Variants in RMDN2 observed in about 807,000 individuals in gnomAD.
The protein encoded by RMDN2 is regulator of microtubule dynamics protein 2.
RMDN2 carries 61 observed loss-of-function variants against 52.8 expected under a neutral mutation model. The observed-to-expected ratio is 1.16, with a 90% CI of 0.94 to 1.43. RMDN2 has a LOEUF of 1.43. Ranked by LOEUF, RMDN2 falls within the 40% of genes most tolerant of loss-of-function variation. RMDN2 has a pLI of 0.00. For synonymous variants in RMDN2, 180 were observed against 153.1 expected (o/e 1.18, Z -1.30); for missense variants, 592 against 475.3 (o/e 1.25, Z -2.28).
At chr2:37,969,916 C>CCTTTCCCTTTCCTGTTTT (rs1270696629) in intron 2 of RMDN2, among the ~76,000 whole-genome samples, 16 of 151,156 alleles carry the variant, frequency 1.1e-4, no homozygotes, top group African/African-American at 3.9e-4. Context: ...TTCTTTCCTT[C>CCTTTCCCTTTCCTGTTTT]CTTTCCCTTT....
chr2:38,004,897 G>A (rs1002080740), intron 10 of RMDN2, among the ~76,000 whole-genome samples: 8 of 150,616 alleles, frequency 5.3e-5, no homozygotes, highest in African/African-American at 9.8e-5. Context: ...CCGTTCCTGC[G>A]TCCATGTGTT....
chr2:37,929,730 G>A lies in RMDN2; in HGVS notation c.452+1G>A, dbSNP rs1160428742. 4.7e-6 allele frequency: 7 copies of A among 1,493,072 alleles called. No individual in the cohort carries two copies. Among genetic ancestry groups the A allele is most frequent in the Non-Finnish European group, 6.2e-6 (7 of 1,124,126 alleles). The allele number at this position is 1,493,072 out of a possible 1,614,324, so 92.5% of individuals were successfully genotyped here. ...CAGAGGAAGCAGAAAGTGAAGGAGG[G>A]TAAGTTTCTTTAAGATATTTCCTAT... On this transcript the variant is annotated splice_donor_variant, in intron 2 of 10. Coordinates refer to ENST00000354545, the MANE Select transcript of RMDN2 (RefSeq NM_001170791.3). LOFTEE classifies it high-confidence loss of function.
chr2:38,003,510 G>T (rs774868086), intron 8 of RMDN2, among the ~76,000 whole-genome samples: 2 of 151,622 alleles, frequency 1.3e-5, no homozygotes, highest in Non-Finnish European at 2.9e-5. Context: ...CTGAGATCGC[G>T]CCACTGCACT....
chr2:37,952,286 C>T (rs952426645), intron 2 of RMDN2: 2 of 1,250,928 alleles, frequency 1.6e-6, no homozygotes, highest in Admixed American at 2.0e-5. Flanking sequence ...GAATTCATTT[C>T]TCATAACTCC....
intron 5 of RMDN2, among the ~76,000 whole-genome samples, chr2:37,982,405 C>T (rs1196256304): frequency 6.6e-6 from 1 of 152,106 alleles, no homozygotes; most frequent in Non-Finnish European, 1.5e-5. Flanking sequence ...TTGATGCTGC[C>T]CTCACATAGC....
rs765650642 is a variant in RMDN2 at position 37,989,600 on chromosome 2, A to G, written c.851A>G (p.Tyr284Cys). 8 of 1,602,402 alleles carry G rather than the reference A, an allele frequency of 5.0e-6. No individual in the cohort carries two copies. The highest frequency in any genetic ancestry group is 2.2e-5 in the East Asian group (1 of 44,710). ...GAGGGTTTACAAAACAAAATCAACT[A>G]TGGGCACCTCTTCAAGGTATTTCTT... ...EFEGLQNKIN[Y>C]GHLFKEHLDI... is the part of the protein sequence containing the mutation. The change falls in exon 6 of 11, where the codon TAT becomes TGT. Residue 284 changes from tyrosine (Y) to cysteine (C), a missense_variant. Tyr to Cys is a radical substitution (Grantham distance 194, BLOSUM62 -2). Coordinates refer to ENST00000354545, the MANE Select transcript of RMDN2 (RefSeq NM_001170791.3).
At chr2:38,015,193 T>C (rs1307076111) in intron 10 of RMDN2, among the ~76,000 whole-genome samples, 1 of 152,192 alleles carries the variant, frequency 6.6e-6, no homozygotes, top group Non-Finnish European at 1.5e-5. Flanking sequence ...CCCTTCTGGC[T>C]TAGTGCTCAG....
At chr2:38,006,310 C>T (rs930747857) in intron 10 of RMDN2, among the ~76,000 whole-genome samples, 18 of 152,198 alleles carry the variant, frequency 1.2e-4, no homozygotes, top group Middle Eastern at 3.4e-3. Flanking sequence ...GCCATTTTCA[C>T]GATATTGATT....
intron 2 of RMDN2, among the ~76,000 whole-genome samples, chr2:37,954,959 A>T (rs1669268638): frequency 6.6e-6 from 1 of 152,170 alleles, no homozygotes; most frequent in African/African-American, 2.4e-5. Flanking sequence ...TGATGCAATT[A>T]TAAGTGAAAT....
chr2:37,931,287 TG>T (rs1666719986), intron 2 of RMDN2, among the ~76,000 whole-genome samples: 3 of 152,234 alleles, frequency 2.0e-5, no homozygotes, highest in Admixed American at 2.0e-4. Context: ...TTATTTATTA[TG>T]GATGTAGAAA....
At chr2:37,964,767 C>T (rs1433678262) in intron 2 of RMDN2, among the ~76,000 whole-genome samples, 2 of 152,046 alleles carry the variant, frequency 1.3e-5, no homozygotes, top group South Asian at 4.2e-4. Flanking sequence ...TTGTTTTATC[C>T]ATTATTAAAA....
chr2:38,061,185 G>A (rs1307152649), intron 10 of RMDN2, among the ~76,000 whole-genome samples: 1 of 152,120 alleles, frequency 6.6e-6, no homozygotes, highest in Non-Finnish European at 1.5e-5. Context: ...ACACCAAGGA[G>A]TGGGCATTAA....
Position 38,010,424 on chromosome 2 carries a change from C to G in RMDN2, c.1179+6208C>G, listed in dbSNP as rs552697510. Among the ~76,000 whole-genome samples, 4 of 152,208 alleles carry G rather than the reference C, an allele frequency of 2.6e-5. No individual in the cohort carries two copies. The South Asian group carries it at 6.2e-4, about 24-fold the overall frequency. ...CCTCGGCAATGGCTCGCTCCCCTCC[C>G]CCAGCCTTGCTGCTGCCTTGCAGTT... is the stretch of plus-strand genomic sequence containing the variant. On this transcript the variant is annotated intron_variant, in intron 10 of 10. Transcript: ENST00000354545.
In RMDN2 at chr2:37,947,982, C is replaced by G. The variant is rs150793722; in HGVS notation, c.452+18253C>G. 5.9e-3 allele frequency among the ~76,000 whole-genome samples: 905 copies of G among 152,246 alleles called. 11 individuals carry two copies. Among genetic ancestry groups the G allele is most frequent in the African/African-American group, 0.02 (846 of 41,532 alleles). ...ATTCAGTCCTAGTATTGTTCACTGT[C>G]TTTTCTAGACTCCAGCTTAGATAGG... On this transcript the variant is annotated intron_variant, in intron 2 of 10. Transcript: ENST00000354545.
intron 10 of RMDN2, among the ~76,000 whole-genome samples, chr2:38,046,497 A>T (rs1558585729): frequency 6.6e-6 from 1 of 152,190 alleles, no homozygotes. Context: ...AAAACATTAG[A>T]TATCTATGAG....
intron 5 of RMDN2, among the ~76,000 whole-genome samples, chr2:37,987,629 C>T (rs1674204628): frequency 6.6e-6 from 1 of 152,190 alleles, no homozygotes; most frequent in South Asian, 2.1e-4. Context: ...TGTCATTATA[C>T]ATTTGTCAAA....
At chr2:37,950,375 G>A in intron 2 of RMDN2, 1 of 1,433,360 alleles carries the variant, frequency 7.0e-7, no homozygotes, top group Non-Finnish European at 9.6e-7. Flanking sequence ...GGAGAAAGGT[G>A]AGCTACAGAA....
chr2:38,017,351 T>C lies in RMDN2; in HGVS notation c.*112T>C. The stretch of plus-strand genomic sequence containing the variant: ...TGATGTAAGGGTATTGTGCTTAGAT[T>C]TGAAGGTAAAGCCATGTTTCTGCAG... On this transcript the variant is annotated 3_prime_UTR_variant, in exon 11 of 11. Transcript: ENST00000354545. 1.4e-6 allele frequency: 2 copies of C among 1,406,188 alleles called. No individual in the cohort carries two copies. Among genetic ancestry groups the C allele is most frequent in the African/African-American group, 1.5e-5 (1 of 68,930 alleles). 87.1% of individuals were successfully genotyped at this position (1,406,188 alleles called of 1,614,324 possible). A position where few individuals can be genotyped will look rare whatever the true frequency, so the allele number is the denominator to read the frequency against.
At chr2:37,985,856 T>G (rs1248501156) in intron 5 of RMDN2, among the ~76,000 whole-genome samples, 1 of 152,024 alleles carries the variant, frequency 6.6e-6, no homozygotes, top group Non-Finnish European at 1.5e-5. Context: ...TGATAGAAAT[T>G]TGAATAAAAT....
Sources: gnomAD v4.1 joint callset for allele counts (sites outside exome capture counted in the v4.1 genomes callset) on GRCh38, gnomAD v4.1.1 for gene constraint, MANE v1.5 for transcripts, NCBI Gene and HGNC (gene_info 2026-07-23, HGNC 2026-07-21) for gene names.